RREB1: variants seen among roughly 807,000 people sequenced by gnomAD.
RREB1 encodes ras responsive element binding protein 1.
RREB1 carries 27 observed loss-of-function variants against 117.8 expected under a neutral mutation model. That is an observed-to-expected ratio of 0.23 (90% CI 0.17 to 0.32). The LOEUF (loss-of-function observed/expected upper bound fraction) is 0.32, where lower values mean the gene tolerates loss of function less well. Ranked by LOEUF, RREB1 falls within the 10% of genes least tolerant of loss-of-function variation. The pLI, the probability that RREB1 is intolerant of heterozygous loss-of-function variation, is 1.00. For missense variants in RREB1, 2,577 were observed against 2,378.2 expected, an observed-to-expected ratio of 1.08 and a Z score of -1.74; for synonymous variants, 1,298 against 1,026.7, an observed-to-expected ratio of 1.26 and a Z score of -5.05.
chr6:7,154,679 A>G (rs1581461156), intron 1 of RREB1, among the ~76,000 whole-genome samples: 1 of 152,342 alleles, frequency 6.6e-6, no homozygotes, highest in East Asian at 1.9e-4. Context: ...TCTAAGGGTC[A>G]GGCCACTTAC....
At chr6:7,188,434 G>A (rs894839871) in intron 5 of RREB1, among the ~76,000 whole-genome samples, 5 of 152,036 alleles carry the variant, frequency 3.3e-5, no homozygotes, top group African/African-American at 9.7e-5. Flanking sequence ...TATATTTTTA[G>A]TAGAGACGGG....
At chr6:7,224,672 T>C (rs1015299585) in intron 8 of RREB1, among the ~76,000 whole-genome samples, 1 of 152,202 alleles carries the variant, frequency 6.6e-6, no homozygotes, top group African/African-American at 2.4e-5. Context: ...TCCATTCTGC[T>C]TCCCCGCAGG....
chr6:7,132,234 T>C (rs1309480208), intron 1 of RREB1, among the ~76,000 whole-genome samples: 1 of 152,080 alleles, frequency 6.6e-6, no homozygotes, highest in Non-Finnish European at 1.5e-5. Flanking sequence ...TTTGTATTTT[T>C]AGTAGAGACA....
At chr6:7,242,702 G>C (rs935951550) in intron 11 of RREB1, among the ~76,000 whole-genome samples, 2 of 145,438 alleles carry the variant, frequency 1.4e-5, no homozygotes, top group African/African-American at 2.5e-5. Flanking sequence ...TAAAAAAAAG[G>C]GGGGGGGGGA....
At position 7,207,438 on chromosome 6, in the gene RREB1, C is replaced by T. The variant is rs117990462; in HGVS notation, c.426-3366C>T. ...CCAGTCTGGAAGGTGAAAAGATGCA[C>T]TGCTCAGGTGCAGAATGGAGGAGAT... On this transcript the variant is annotated intron_variant, in intron 6 of 12. Transcript: ENST00000379938. Among the ~76,000 whole-genome samples, 95 of 152,296 alleles carry T rather than the reference C, an allele frequency of 6.2e-4. 1 individual carries two copies. The East Asian group carries it at 0.017, about 28-fold the overall frequency.
chr6:7,182,337 C>T (rs2113532169), intron 4 of RREB1, among the ~76,000 whole-genome samples: 1 of 152,298 alleles, frequency 6.6e-6, no homozygotes, highest in African/African-American at 2.4e-5. Flanking sequence ...TGGATTTTAA[C>T]TCAAGCTTTC....
chr6:7,231,639 C>G lies in RREB1; in HGVS notation c.3540C>G (p.Ser1180Arg). The change falls in exon 10 of 13, where the codon AGC becomes AGG. Residue 1180 changes from serine (S) to arginine (R), a missense_variant. Physicochemically the swap from Ser to Arg is moderately radical, Grantham distance 110 (BLOSUM62 -1). Coordinates refer to ENST00000379938, the MANE Select transcript of RREB1 (RefSeq NM_001003699.4). Reference protein sequence around the residue: ...VDLDSSGEFASIEKMLATTDT... With the variant: ...VDLDSSGEFARIEKMLATTDT... ...TGGACTCCAGCGGGGAGTTTGCCAG[C>G]ATCGAGAAGATGCTGGCCACCACAG... The G allele has an allele frequency of 6.2e-7, 1 of 1,611,474 alleles. No homozygotes were observed. Among genetic ancestry groups the G allele is most frequent in the Non-Finnish European group, 8.5e-7 (1 of 1,179,106 alleles).
intron 6 of RREB1, among the ~76,000 whole-genome samples, chr6:7,206,748 G>A (rs1332029700): frequency 1.3e-5 from 2 of 152,200 alleles, no homozygotes; most frequent in African/African-American, 2.4e-5. Flanking sequence ...CAGGTGAGGC[G>A]CGTGGCACGA....
In RREB1 at chr6:7,127,181, G is replaced by A. The variant is rs552601213; in HGVS notation, c.-285+19121G>A. On this transcript the variant is annotated intron_variant, in intron 1 of 12. Transcript: ENST00000379938. ...TGTTGGCCCTGGAAAAATGGACGGG[G>A]GCTCGGTGGTGGAGTCTGTTGTGAG... Among the ~76,000 whole-genome samples, 22 of 152,200 alleles carry A rather than the reference G, an allele frequency of 1.4e-4. 1 individual carries two copies. In the East Asian group the frequency reaches 4.2e-3, roughly 29 times the overall value.
chr6:7,133,461 C>T (rs202043140), intron 1 of RREB1, among the ~76,000 whole-genome samples: 123 of 152,162 alleles, frequency 8.1e-4, no homozygotes, highest in African/African-American at 2.8e-3. Context: ...ATGGCACACC[C>T]GGGAAGTCCC....
At chr6:7,162,154 C>T (rs1170001038) in intron 1 of RREB1, among the ~76,000 whole-genome samples, 1 of 152,066 alleles carries the variant, frequency 6.6e-6, no homozygotes, top group African/African-American at 2.4e-5. Flanking sequence ...ACAAGACACA[C>T]AAAACTTTTG....
intron 8 of RREB1, among the ~76,000 whole-genome samples, chr6:7,225,036 T>C (rs931692531): frequency 3.9e-5 from 6 of 152,196 alleles, no homozygotes; most frequent in African/African-American, 1.4e-4. Flanking sequence ...CTGGCACTTC[T>C]TCCTTTCAGT....
intron 1 of RREB1, among the ~76,000 whole-genome samples, chr6:7,145,006 T>G (rs1457860949): frequency 6.6e-6 from 1 of 152,172 alleles, no homozygotes; most frequent in Non-Finnish European, 1.5e-5. Context: ...AGTGTAATCT[T>G]TTGTGAGAGT....
intron 1 of RREB1, among the ~76,000 whole-genome samples, chr6:7,152,250 T>A (rs1347854222): frequency 2.6e-5 from 4 of 152,238 alleles, no homozygotes. Flanking sequence ...TTATGAAAAG[T>A]ACAGAAATAA....
intron 1 of RREB1, among the ~76,000 whole-genome samples, chr6:7,118,254 G>A (rs1283154685): frequency 2.0e-5 from 3 of 152,120 alleles, no homozygotes; most frequent in Non-Finnish European, 4.4e-5. Flanking sequence ...CTGAGTAGCT[G>A]GGATTACAGG....
chr6:7,115,188 C>T (rs961374658), intron 1 of RREB1, among the ~76,000 whole-genome samples: 1 of 152,076 alleles, frequency 6.6e-6, no homozygotes, highest in Non-Finnish European at 1.5e-5. Flanking sequence ...TGGCTGCCAG[C>T]TGCTGTGGTT....
rs1451586381 is a variant in RREB1 at position 7,230,822 on chromosome 6, C to T, written c.2723C>T (p.Ala908Val). 3.7e-6 allele frequency: 6 copies of T among 1,614,118 alleles called. No homozygotes were observed. The highest frequency in any genetic ancestry group is 1.3e-5 in the African/African-American group (1 of 74,936). ...EPLDFSQKGL[A>V]LVQVKQENIS... is the part of the protein sequence containing the mutation. ...CTGGACTTCTCGCAGAAGGGCCTGG[C>T]CCTGGTCCAAGTGAAGCAGGAAAAC... Residue 908 changes from alanine (A) to valine (V), a missense_variant, in exon 10 of 13, where the codon GCC becomes GTC. Ala to Val is a moderately conservative substitution (Grantham distance 64). Coordinates refer to ENST00000379938, the MANE Select transcript of RREB1 (RefSeq NM_001003699.4).
chr6:7,141,673 A>G (rs1311659600), intron 1 of RREB1, among the ~76,000 whole-genome samples: 1 of 152,248 alleles, frequency 6.6e-6, no homozygotes, highest in African/African-American at 2.4e-5. Flanking sequence ...GGTAGCTCCA[A>G]AAACTTTTGT....
rs116173554 is a variant in RREB1 at position 7,248,814 on chromosome 6, C to T, written c.5075C>T (p.Thr1692Met). 7.1e-5 allele frequency: 115 copies of T among 1,613,654 alleles called. No homozygotes were observed. Among genetic ancestry groups the T allele is most frequent in the Middle Eastern group, 1.7e-4 (1 of 6,044 alleles). ...KDCSHREEKV[T>M]AGWPSEPGQG... ...TGCAGCCACAGGGAGGAGAAGGTCA[C>T]GGCAGGGTGGCCGTCTGAGCCTGGC... The change falls in exon 13 of 13, where the codon ACG becomes ATG. Residue 1692 changes from threonine (T) to methionine (M), a missense_variant. Physicochemically the swap from Thr to Met is moderately conservative, Grantham distance 81. Coordinates refer to ENST00000379938, the MANE Select transcript of RREB1 (RefSeq NM_001003699.4).
Sources: gnomAD v4.1 joint callset for allele counts (sites outside exome capture counted in the v4.1 genomes callset) on GRCh38, gnomAD v4.1.1 for gene constraint, MANE v1.5 for transcripts, NCBI Gene and HGNC (gene_info 2026-07-23, HGNC 2026-07-21) for gene names.